Variants in STK11IP observed in about 807,000 individuals in gnomAD.
The protein encoded by STK11IP is serine/threonine kinase 11 interacting protein.
In STK11IP, 103 loss-of-function variants were observed where a neutral mutation model predicts 131.7. That is an observed-to-expected ratio of 0.78 (90% confidence interval 0.67 to 0.92). The LOEUF (loss-of-function observed/expected upper bound fraction) is 0.92. STK11IP is among the 40% of genes least tolerant of loss of function. STK11IP has a pLI of 0.00. For synonymous variants in STK11IP, 557 were observed against 575.6 expected, an observed-to-expected ratio of 0.97 and a Z score of 0.46; for missense variants, 1,315 against 1,385.7, an observed-to-expected ratio of 0.95 and a Z score of 0.81.
intron 13 of STK11IP, 114 bp from the exon 14 acceptor site, chr2:219,607,933 C>G: frequency 7.1e-7 from 1 of 1,408,982 alleles, no homozygotes; most frequent in Non-Finnish European, 9.5e-7. Flanking sequence ...CCTCCCTTGC[C>G]CGTGTCCCCA....
At chr2:219,614,777 G>A in intron 23 of STK11IP, 1 of 689,648 alleles carries the variant, frequency 1.5e-6, no homozygotes, top group South Asian at 1.6e-5. Context: ...CTTTGCTCTC[G>A]GGCCCAGGCT....
chr2:219,613,228 G>A lies in STK11IP; in HGVS notation c.2537+3G>A, dbSNP rs754032735. 6.4e-7 allele frequency: 1 copy of A among 1,554,330 alleles called. No individual in the cohort carries two copies. Among genetic ancestry groups the A allele is most frequent in the African/African-American group, 1.4e-5 (1 of 71,674 alleles). On this transcript the variant is annotated splice_donor_region_variant and intron_variant, in intron 20 of 24. Coordinates refer to ENST00000456909, the MANE Select transcript of STK11IP (RefSeq NM_052902.4). ...TTGAAGGTGACTGGGGAGATGCGGT[G>A]AGTGAGAGGGGAGATGCAGTGAGTA...
chr2:219,614,678 C>T (rs951055826), intron 23 of STK11IP, 132 bp downstream of exon 23: 2 of 950,860 alleles, frequency 2.1e-6, no homozygotes, highest in African/African-American at 3.2e-5. Context: ...GAACCTCTCA[C>T]TTGAGGGCAT....
chr2:219,612,100 G>C, intron 19 of STK11IP, 42 bp downstream of exon 19: 1 of 1,546,140 alleles, frequency 6.5e-7, no homozygotes, highest in South Asian at 1.2e-5. Flanking sequence ...AGCTGTCCAG[G>C]GTGCCCACTC....
intron 19 of STK11IP, 103 bp from the exon 20 acceptor site, chr2:219,613,025 G>C (rs913350710): frequency 1.2e-6 from 1 of 807,606 alleles, no homozygotes. Flanking sequence ...TGGGCAGTGG[G>C]AGGGTCAGGC....
In STK11IP at chr2:219,602,707, C is replaced by T. The variant is rs1399131339; in HGVS notation, c.549C>T (p.Arg183=). The T allele has an allele frequency of 6.2e-7, 1 of 1,613,396 alleles. No individual in the cohort carries two copies. The highest frequency in any genetic ancestry group is 8.5e-7 in the Non-Finnish European group (1 of 1,179,712). Residue 183 remains arginine (R), a splice_region_variant and synonymous_variant, in exon 7 of 25, where the codon CGC becomes CGT. Coordinates refer to ENST00000456909, the MANE Select transcript of STK11IP (RefSeq NM_052902.4). ...TGCCTCCTCCCCGTCTCTCTCAGCG[C>T]CTCTTGTCAGCTCTGCGTTTCTTGA... The part of the protein sequence containing the change: ...NALTALDSSL[R]LLSALRFLNL...
rs528154197 is a variant in STK11IP at position 219,607,519 on chromosome 2, C to T, written c.1219+382C>T. Among the ~76,000 whole-genome samples the T allele has an allele frequency of 1.3e-4, 19 of 151,896 alleles. No individual in the cohort carries two copies. In the South Asian group the frequency reaches 3.3e-3, roughly 27 times the overall value. ...CAAAAAAATTTTTAAATTAGCCTGA[C>T]GTGGTGGTGTGCGCCTGTAGTCCTA... On this transcript the variant is annotated intron_variant, in intron 13 of 24. Coordinates refer to ENST00000456909, the MANE Select transcript of STK11IP (RefSeq NM_052902.4).
chr2:219,614,001 C>G (rs990993705), intron 21 of STK11IP, 71 bp downstream of exon 21: 1 of 1,506,376 alleles, frequency 6.6e-7, no homozygotes, highest in Non-Finnish European at 8.9e-7. Flanking sequence ...AGGCTCCCCA[C>G]CTGGTACCCA....
intron 23 of STK11IP, chr2:219,614,859 G>A (rs753527828): frequency 9.6e-6 from 6 of 626,434 alleles, no homozygotes; most frequent in Non-Finnish European, 1.4e-5. Flanking sequence ...GTGGAGCCTT[G>A]TTTCTGAGTA....
chr2:219,611,546 G>C (rs1294782693), intron 17 of STK11IP, 58 bp from the exon 18 acceptor site: 24 of 1,384,444 alleles, frequency 1.7e-5, no homozygotes, highest in Middle Eastern at 3.8e-4. Flanking sequence ...CGTGAGCATG[G>C]TGGGAGTTGT....
intron 7 of STK11IP, among the ~76,000 whole-genome samples, chr2:219,604,754 C>T (rs1477176109): frequency 1.3e-5 from 2 of 151,738 alleles, no homozygotes; most frequent in African/African-American, 4.8e-5. Flanking sequence ...GTGGTGATAG[C>T]ATAGACAGTG....
intron 19 of STK11IP, 40 bp from the exon 20 acceptor site, chr2:219,613,088 G>C: frequency 1.3e-6 from 2 of 1,561,986 alleles, no homozygotes; most frequent in Non-Finnish European, 1.8e-6. Flanking sequence ...ACCTCCCCAG[G>C]CCTCTCATCA....
At chr2:219,600,041 G>GTTTT (rs1203746448) in intron 2 of STK11IP, among the ~76,000 whole-genome samples, 7 of 91,970 alleles carry the variant, frequency 7.6e-5, no homozygotes, top group African/African-American at 2.9e-4. Flanking sequence ...TGCCCTTTGT[G>GTTTT]TTTTTTTTTT....
chr2:219,608,777 C>A lies in STK11IP; in HGVS notation c.1798C>A (p.Pro600Thr). Residue 600 changes from proline to threonine, a missense_variant, in exon 15 of 25, where the codon CCC (proline) becomes ACC (threonine). Coordinates refer to ENST00000456909, the MANE Select transcript of STK11IP (RefSeq NM_052902.4). ...IEPEAQAQRS[P>T]RPTGSDLLPG... ...GCCGGAGGCCCAGGCCCAGAGGTCGCCCAGGCCCACGGTGAGTGGGGCGTG... is the reference window on the plus strand; with the variant it reads ...GCCGGAGGCCCAGGCCCAGAGGTCGACCAGGCCCACGGTGAGTGGGGCGTG... 6.2e-7 allele frequency: 1 copy of A among 1,604,130 alleles called. No homozygotes were observed. The highest frequency in any genetic ancestry group is 8.5e-7 in the Non-Finnish European group (1 of 1,176,156).
Position 219,615,219 on chromosome 2 carries a change from G to T in STK11IP, c.2995G>T (p.Val999Leu), listed in dbSNP as rs745597239. ...PAASGEASEK[V>L]PPSGPGPAVR... is the part of the protein sequence containing the mutation. Reference sequence around the variant, plus strand: ...AGCATCTGGCGAAGCCTCTGAGAAGGTGCCTCCCTCGGGGCCGGGCCCTGC... The same window carrying T: ...AGCATCTGGCGAAGCCTCTGAGAAGTTGCCTCCCTCGGGGCCGGGCCCTGC... The change falls in exon 24 of 25, where the codon GTG becomes TTG. Residue 999 changes from valine to leucine, a missense_variant. Val to Leu is a conservative substitution (Grantham distance 32). Coordinates refer to ENST00000456909, the MANE Select transcript of STK11IP (RefSeq NM_052902.4). 44 of 1,595,970 alleles carry T rather than the reference G, an allele frequency of 2.8e-5. No homozygotes were observed. Among genetic ancestry groups the T allele is most frequent in the Non-Finnish European group, 3.7e-5 (43 of 1,175,282 alleles).
In STK11IP at chr2:219,608,238, C is replaced by T. The variant is rs1462037109; in HGVS notation, c.1411C>T (p.Pro471Ser). Residue 471 changes from proline (P) to serine (S), a missense_variant, in exon 14 of 25, where the codon CCC (proline) becomes TCC (serine). By Grantham distance (74) the Pro-to-Ser change is moderately conservative (BLOSUM62 -1). Transcript: ENST00000456909. ...QGPDTAPRPSPPQEEARGPQE... is the reference protein window; with the variant it reads ...QGPDTAPRPSSPQEEARGPQE... Reference sequence around the variant, plus strand: ...CCCCGACACTGCACCCAGACCTTCACCCCCGCAGGAGGAAGCCAGAGGCCC... The same window carrying T: ...CCCCGACACTGCACCCAGACCTTCATCCCCGCAGGAGGAAGCCAGAGGCCC... 6.2e-7 allele frequency: 1 copy of T among 1,613,656 alleles called. No homozygotes were observed. The highest frequency in any genetic ancestry group is 8.5e-7 in the Non-Finnish European group (1 of 1,179,870).
intron 24 of STK11IP, chr2:219,615,578 G>A: frequency 1.5e-6 from 1 of 658,746 alleles, no homozygotes; most frequent in East Asian, 2.8e-5. Flanking sequence ...CAGCCATTTA[G>A]CTGGGCCACG....
At chr2:219,608,916 G>C in intron 15 of STK11IP, 128 bp downstream of exon 15, 1 of 1,202,666 alleles carries the variant, frequency 8.3e-7, no homozygotes, top group East Asian at 2.6e-5. Flanking sequence ...GGGAGCCTCA[G>C]AGGTTGCAAG....
At chr2:219,600,264 G>A (rs774581973) in intron 2 of STK11IP, among the ~76,000 whole-genome samples, 5 of 151,228 alleles carry the variant, frequency 3.3e-5, no homozygotes, top group Non-Finnish European at 7.4e-5. Context: ...CGAGGTTAGA[G>A]TCGTAGAATA....
Sources: gnomAD v4.1 joint callset for allele counts (sites outside exome capture counted in the v4.1 genomes callset) on GRCh38, gnomAD v4.1.1 for gene constraint, MANE v1.5 for transcripts, NCBI Gene and HGNC (gene_info 2026-07-23, HGNC 2026-07-21) for gene names.